Variants in ALAS2 observed in about 807,000 individuals in gnomAD.
ALAS2 encodes the protein 5'-aminolevulinate synthase 2, also known as 5-aminolevulinate synthase, erythroid-specific, mitochondrial.
Under a neutral mutation model 33.7 loss-of-function variants are expected in ALAS2, and 3 were observed. The ratio of observed to expected loss-of-function variants is 0.09; its 90% confidence interval spans 0.04 to 0.23. The LOEUF is 0.23. ALAS2 is among the 10% of genes least tolerant of loss of function. The pLI is 1.00. For missense variants in ALAS2, 304 were observed against 475.1 expected (o/e 0.64, Z 3.35); for synonymous variants, 191 against 177.3 (o/e 1.08, Z -0.61).
intron 3 of ALAS2, 144 bp from the exon 4 acceptor site, chrX:55,024,011 CCAAGGTGA>C: frequency 2.0e-6 from 1 of 500,285 alleles, no homozygotes; most frequent in Non-Finnish European, 3.5e-6. Flanking sequence ...GAAATCTTCT[CCAAGGTGA>C]GCTTCTATTT....
chrX:55,020,911 A>G lies in ALAS2; in HGVS notation c.638+141T>C, dbSNP rs994070623. The G allele has an allele frequency of 1.5e-5, 8 of 520,998 alleles. No individual in the cohort carries two copies. The East Asian group carries it at 1.8e-4, about 12-fold the overall frequency. The allele number at this position is 520,998 out of a possible 1,213,427, so 42.9% of individuals were successfully genotyped here. Reference sequence around the variant, plus strand: ...TGTTGACTTATTTCATATCCAAGGAATAGATATGATGGAGGACCTTGGACA... The same window carrying G: ...TGTTGACTTATTTCATATCCAAGGAGTAGATATGATGGAGGACCTTGGACA... On this transcript the variant is annotated intron_variant, in intron 5 of 10. Transcript: ENST00000650242.
intron 7 of ALAS2, among the ~76,000 whole-genome samples, chrX:55,015,995 G>A (rs1469048383): frequency 2.8e-5 from 3 of 106,236 alleles, no homozygotes; most frequent in Non-Finnish European, 5.8e-5. Flanking sequence ...GTGTGTGTGT[G>A]TGTGTGTGTG....
chrX:55,025,426 C>G (rs1426901294), intron 2 of ALAS2, among the ~76,000 whole-genome samples: 1 of 111,309 alleles, frequency 9.0e-6, no homozygotes, highest in African/African-American at 3.3e-5. Context: ...CCTCCGCCTC[C>G]TGGGTTCAAG....
chrX:55,017,551 A>C lies in ALAS2; in HGVS notation c.938T>G (p.Leu313Arg). 1 of 1,211,183 alleles carries C rather than the reference A, an allele frequency of 8.3e-7. No individual in the cohort carries two copies. Among genetic ancestry groups the C allele is most frequent in the Non-Finnish European group, 1.1e-6 (1 of 895,189 alleles). The change falls in exon 7 of 11, where the codon CTT (leucine) becomes CGT (arginine). Residue 313 changes from leucine (L) to arginine (R), a missense_variant. By Grantham distance (102) the Leu-to-Arg change is moderately radical. Transcript: ENST00000650242. The stretch of plus-strand genomic sequence containing the variant: ...TATCTTAGGGTTAGACTTCTCTAGA[A>C]GTTTCTTTAGGTGGTCAGGGTCATT... ...RHNDPDHLKK[L>R]LEKSNPKIPK... is the part of the protein sequence containing the mutation.
At chrX:55,028,514 G>C (rs1341241133) in intron 1 of ALAS2, among the ~76,000 whole-genome samples, 1 of 111,574 alleles carries the variant, frequency 9.0e-6, no homozygotes, top group Non-Finnish European at 1.9e-5. Context: ...TGGTGGAGAA[G>C]ACCTACCTCC....
intron 1 of ALAS2, chrX:55,027,698 C>T: frequency 8.6e-7 from 1 of 1,162,101 alleles, no homozygotes; most frequent in South Asian, 1.8e-5. Context: ...ATATGGCAAC[C>T]TCCTTCATCT....
In ALAS2 at chrX:55,023,819, C is replaced by A. The variant is rs1219784660; in HGVS notation, c.353G>T (p.Gly118Val). The change falls in exon 4 of 11, where the codon GGT (glycine) becomes GTT (valine). Residue 118 changes from glycine to valine, a missense_variant. Gly to Val is a moderately radical substitution (Grantham distance 109). This residue lies in a region of ALAS2 where 138 missense variants were observed against 265.3 expected (regional missense o/e 0.52). Coordinates refer to ENST00000650242, the MANE Select transcript of ALAS2 (RefSeq NM_000032.5). The stretch of plus-strand genomic sequence containing the variant: ...AGAGATCTGCTCCTGCTCCTGGGGA[C>A]CGGAAAATGGCTTCCTTAGGCTGAC... The part of the protein sequence containing the change: ...VSVSLRKPFS[G>V]PQEQEQISGK... The A allele has an allele frequency of 8.3e-7, 1 of 1,209,019 alleles. No individual in the cohort carries two copies. The highest frequency in any genetic ancestry group is 1.1e-6 in the Non-Finnish European group (1 of 895,028).
rs945688446 is a variant in ALAS2 at position 55,009,979 on chromosome X, G to A, written c.1601-636C>T. 4.5e-5 allele frequency among the ~76,000 whole-genome samples: 5 copies of A among 111,416 alleles called. No homozygotes were observed. The Admixed American group carries it at 4.7e-4, about 11-fold the overall frequency. On this transcript the variant is annotated intron_variant, in intron 10 of 10. Transcript: ENST00000650242. Reference sequence around the variant, plus strand: ...GGCTTTTCTCCATCTCCACCTAGATGTCTAATATGCATTTCTAACTTAGGA... The same window carrying A: ...GGCTTTTCTCCATCTCCACCTAGATATCTAATATGCATTTCTAACTTAGGA...
intron 10 of ALAS2, among the ~76,000 whole-genome samples, chrX:55,009,659 C>A (rs1263337123): frequency 9.0e-6 from 1 of 110,783 alleles, no homozygotes; most frequent in African/African-American, 3.3e-5. Context: ...AACTCTAAGC[C>A]CTATGAGGAC....
At chrX:55,017,410 G>GTCA (rs1267925419) in intron 7 of ALAS2, 76 bp downstream of exon 7, 12 of 930,421 alleles carry the variant, frequency 1.3e-5, no homozygotes, top group Middle Eastern at 2.7e-4. Flanking sequence ...TAATGTTATC[G>GTCA]TCATCATCAT....
At chrX:55,011,690 A>G (rs775075353) in intron 10 of ALAS2, among the ~76,000 whole-genome samples, 1 of 112,145 alleles carries the variant, frequency 8.9e-6, no homozygotes, top group South Asian at 3.7e-4. Context: ...TGGTGGAGCC[A>G]TCGTGGATGC....
Position 55,014,863 on chromosome X carries a change from C to T in ALAS2, c.1321G>A (p.Glu441Lys), listed in dbSNP as rs760790600. 1.6e-4 allele frequency: 195 copies of T among 1,205,566 alleles called. 1 individual carries two copies. In the South Asian group the frequency reaches 3.2e-3, roughly 20 times the overall value. Residue 441 changes from glutamate (E) to lysine (K), a missense_variant, in exon 9 of 11, where the codon GAG (glutamate) becomes AAG (lysine). Transcript: ENST00000650242. ...ALESVRLLKG[E>K]EGQALRRAHQ... is the part of the protein sequence containing the mutation. ...GCTCGCCTCAGGGCTTGGCCCTCCT[C>T]TCCCTTGAGCAGCCGCACAGATTCT...
rs190840344 is a variant in ALAS2, at chrX:55,023,191, G to A, written c.415+566C>T. Among the ~76,000 whole-genome samples, 11 of 98,710 alleles carry A rather than the reference G, an allele frequency of 1.1e-4. No individual in the cohort carries two copies. The East Asian group carries it at 3.5e-3, about 31-fold the overall frequency. The allele number at this position is 98,710 out of a possible 115,157, so 85.7% of individuals were successfully genotyped here. On this transcript the variant is annotated intron_variant, in intron 4 of 10. Coordinates refer to ENST00000650242, the MANE Select transcript of ALAS2 (RefSeq NM_000032.5). ...CATGGGTGTGGTGAAGAGAGCAGAG[G>A]GTGTGTGTGTGTGTGTGTGTGTGTG...
intron 1 of ALAS2, among the ~76,000 whole-genome samples, chrX:55,030,253 G>A (rs1935972696): frequency 8.9e-6 from 1 of 111,783 alleles, no homozygotes; most frequent in African/African-American, 3.3e-5. Flanking sequence ...GAATTAGGAT[G>A]AGAATAGAAA....
intron 3 of ALAS2, among the ~76,000 whole-genome samples, chrX:55,024,437 G>A (rs919889470): frequency 1.2e-4 from 13 of 111,632 alleles, no homozygotes; most frequent in African/African-American, 3.9e-4. Flanking sequence ...CAGCCTGTTG[G>A]GATCAGTTTA....
At chrX:55,026,376 C>A (rs1935893364) in intron 1 of ALAS2, among the ~76,000 whole-genome samples, 1 of 112,026 alleles carries the variant, frequency 8.9e-6, no homozygotes, top group East Asian at 2.8e-4. Context: ...TTGATCAATA[C>A]TTAAGGCCAA....
intron 8 of ALAS2, 36 bp downstream of exon 8, chrX:55,015,542 G>A (rs1319913571): frequency 1.7e-6 from 2 of 1,202,692 alleles, no homozygotes; most frequent in African/African-American, 3.5e-5. Context: ...CCTCCTCTCT[G>A]GAGGGTATAT....
chrX:55,010,618 T>C (rs1373516636), intron 10 of ALAS2, among the ~76,000 whole-genome samples: 1 of 111,133 alleles, frequency 9.0e-6, no homozygotes, highest in Non-Finnish European at 1.9e-5. Context: ...TCTGCCTCAC[T>C]AACTTCACCT....
intron 3 of ALAS2, among the ~76,000 whole-genome samples, 193 bp from the exon 4 acceptor site, chrX:55,024,060 A>C (rs1935851355): frequency 8.9e-6 from 1 of 112,116 alleles, no homozygotes; most frequent in South Asian, 3.7e-4. Flanking sequence ...TTACATTGTT[A>C]GGAAACCTTC....
Sources: allele counts gnomAD v4.1 joint callset (sites outside exome capture counted in the v4.1 genomes callset), GRCh38; gene constraint gnomAD v4.1.1; regional missense constraint gnomAD v4.1.1; transcripts MANE v1.5; gene names NCBI Gene and HGNC (gene_info 2026-07-23, HGNC 2026-07-21).